Variants in TRPS1 observed in about 807,000 individuals in gnomAD.
TRPS1 encodes transcriptional repressor GATA binding 1.
Under a neutral mutation model 101.2 loss-of-function variants are expected in TRPS1, and 6 were observed. The ratio of observed to expected loss-of-function variants is 0.06; its 90% CI spans 0.03 to 0.12. The LOEUF is 0.12. Ranked by LOEUF, TRPS1 falls within the 10% of genes least tolerant of loss-of-function variation. TRPS1 has a pLI of 1.00. For missense variants in TRPS1, 1,363 were observed against 1,567.0 expected (o/e 0.87, Z 2.20); for synonymous variants, 578 against 589.8 (o/e 0.98, Z 0.29).
chr8:115,483,260 C>CGGTG (rs1563763229), intron 5 of TRPS1, among the ~76,000 whole-genome samples: 2 of 152,090 alleles, frequency 1.3e-5, no homozygotes, highest in African/African-American at 4.8e-5. Context: ...AGGCTGAGCA[C>CGGTG]GGTGTCTCAT....
At chr8:115,428,674 G>A (rs1586264321) in intron 5 of TRPS1, among the ~76,000 whole-genome samples, 1 of 152,156 alleles carries the variant, frequency 6.6e-6, no homozygotes, top group South Asian at 2.1e-4. Flanking sequence ...AGACTATCTC[G>A]GGAATACCTC....
intron 5 of TRPS1, among the ~76,000 whole-genome samples, chr8:115,529,132 T>C (rs1362384646): frequency 6.6e-6 from 1 of 152,000 alleles, no homozygotes; most frequent in East Asian, 1.9e-4. Flanking sequence ...CATGAAAAAC[T>C]GGCAAAAAAT....
chr8:115,589,974 G>A (rs916544547), intron 4 of TRPS1, among the ~76,000 whole-genome samples: 3 of 152,046 alleles, frequency 2.0e-5, no homozygotes, highest in African/African-American at 7.2e-5. Flanking sequence ...AAAATTAGCT[G>A]GGTGTGGTGG....
At chr8:115,660,718 T>G (rs1811773022) in intron 1 of TRPS1, among the ~76,000 whole-genome samples, 1 of 152,000 alleles carries the variant, frequency 6.6e-6, no homozygotes, top group Admixed American at 6.6e-5. Context: ...CATTTGTTTA[T>G]TCATGTTAAA....
intron 5 of TRPS1, among the ~76,000 whole-genome samples, chr8:115,586,242 A>G (rs1817557651): frequency 6.6e-6 from 1 of 152,200 alleles, no homozygotes; most frequent in African/African-American, 2.4e-5. Context: ...ACTTATTGGG[A>G]GCTCATGAAT....
intron 5 of TRPS1, among the ~76,000 whole-genome samples, chr8:115,535,099 T>A (rs1364302791): frequency 6.7e-6 from 1 of 148,206 alleles, no homozygotes; most frequent in East Asian, 2.0e-4. Context: ...ATATCGCATA[T>A]GTATAGCATA....
intron 5 of TRPS1, among the ~76,000 whole-genome samples, chr8:115,533,436 GT>G (rs1161916592): frequency 8.6e-5 from 3 of 35,002 alleles, no homozygotes; most frequent in African/African-American, 2.1e-4. Context: ...CATGTAATCT[GT>G]TTTTTTTTTT....
At chr8:115,534,820 T>C (rs1398564345) in intron 5 of TRPS1, among the ~76,000 whole-genome samples, 1 of 152,116 alleles carries the variant, frequency 6.6e-6, no homozygotes, top group Admixed American at 6.5e-5. Context: ...ATCCTTTCCT[T>C]TTCAACTACC....
intron 4 of TRPS1, 94 bp downstream of exon 4, chr8:115,603,779 C>T: frequency 7.0e-7 from 1 of 1,438,184 alleles, no homozygotes; most frequent in Non-Finnish European, 9.5e-7. Context: ...TCATTGGAAT[C>T]ACTCTCAACA....
chr8:115,533,436 GTTT>G (rs1161916592), intron 5 of TRPS1, among the ~76,000 whole-genome samples: 4 of 35,002 alleles, frequency 1.1e-4, no homozygotes, highest in African/African-American at 4.2e-4. Flanking sequence ...CATGTAATCT[GTTT>G]TTTTTTTTTT....
chr8:115,529,896 T>G (rs1433428301), intron 5 of TRPS1, among the ~76,000 whole-genome samples: 1 of 152,078 alleles, frequency 6.6e-6, no homozygotes, highest in African/African-American at 2.4e-5. Flanking sequence ...TAACAGTAAC[T>G]GGCAGGGAAA....
chr8:115,431,036 C>T (rs1813306725), intron 5 of TRPS1, among the ~76,000 whole-genome samples: 1 of 151,832 alleles, frequency 6.6e-6, no homozygotes, highest in Non-Finnish European at 1.5e-5. Flanking sequence ...ACACTGATAA[C>T]TTATGATTAA....
chr8:115,520,176 A>C (rs547721935), intron 5 of TRPS1, among the ~76,000 whole-genome samples: 1 of 151,742 alleles, frequency 6.6e-6, no homozygotes, highest in African/African-American at 2.4e-5. Flanking sequence ...TTTTAATTAC[A>C]TGAGGTTTTT....
chr8:115,604,312 C>T lies in TRPS1; in HGVS notation c.1657G>A (p.Val553Ile), dbSNP rs780734185. 1.2e-6 allele frequency: 2 copies of T among 1,614,098 alleles called. No individual in the cohort carries two copies. Among genetic ancestry groups the T allele is most frequent in the South Asian group, 1.1e-5 (1 of 91,078 alleles). Residue 553 changes from valine to isoleucine, a missense_variant, in exon 4 of 7, where the codon GTA (valine) becomes ATA (isoleucine). Coordinates refer to ENST00000395715, the MANE Select transcript of TRPS1 (RefSeq NM_014112.5). The surrounding 1 kb of genome is among the most constrained non-coding windows in gnomAD (Gnocchi z 4.1). ...CGGAGAAGTGGCCCCACTACAATTA[C>T]ATCAGGGCCATGGCTTTTGGAATAT... is the stretch of plus-strand genomic sequence containing the variant. ...FRYSKSHGPD[V>I]IVVGPLLRHY...
At chr8:115,557,963 C>T (rs138064946) in intron 5 of TRPS1, among the ~76,000 whole-genome samples, 1 of 152,022 alleles carries the variant, frequency 6.6e-6, no homozygotes, top group Non-Finnish European at 1.5e-5. Context: ...CTACTTGTAA[C>T]GTTCATAATT....
intron 5 of TRPS1, among the ~76,000 whole-genome samples, chr8:115,455,497 C>G (rs1813993565): frequency 6.6e-6 from 1 of 152,118 alleles, no homozygotes; most frequent in African/African-American, 2.4e-5. Flanking sequence ...TGATAGAAGT[C>G]TAAGGATTTA....
intron 2 of TRPS1, among the ~76,000 whole-genome samples, chr8:115,621,551 A>T (rs1312658640): frequency 2.0e-5 from 3 of 152,232 alleles, no homozygotes; most frequent in Non-Finnish European, 4.4e-5. Context: ...GCACTAGAGT[A>T]TAAGGAATCA....
chr8:115,609,414 T>C (rs1818112950), intron 3 of TRPS1, among the ~76,000 whole-genome samples: 1 of 152,200 alleles, frequency 6.6e-6, no homozygotes, highest in South Asian at 2.1e-4. Context: ...ATATTCCTTC[T>C]TGAGCTACAA....
chr8:115,500,169 A>T (rs1815278941), intron 5 of TRPS1, among the ~76,000 whole-genome samples: 1 of 151,928 alleles, frequency 6.6e-6, no homozygotes, highest in South Asian at 2.1e-4. Flanking sequence ...AGCTGGGATT[A>T]TAGGCACGCA....
Sources: allele counts gnomAD v4.1 joint callset (sites outside exome capture counted in the v4.1 genomes callset), GRCh38; gene constraint gnomAD v4.1.1; non-coding constraint Gnocchi (gnomAD v3.1); transcripts MANE v1.5; gene names NCBI Gene and HGNC (gene_info 2026-07-23, HGNC 2026-07-21).